NBAS: variants seen among roughly 807,000 people sequenced by gnomAD.
NBAS encodes the protein NAG/BC035112 fusion.
NBAS carries 219 observed loss-of-function variants against 302.5 expected under a neutral mutation model. The ratio of observed to expected loss-of-function variants is 0.72; its 90% CI spans 0.65 to 0.81. NBAS has a LOEUF of 0.81. Among genes scored for constraint, NBAS ranks in the 30% least tolerant of loss-of-function variants. The probability of loss-of-function intolerance (pLI) is 0.00; values close to 1 mark genes in which losing one functional copy is unlikely to be tolerated. For missense variants in NBAS, 2,932 were observed against 2,841.6 expected (o/e 1.03, Z -0.72); for synonymous variants, 1,118 against 1,021.6 (o/e 1.09, Z -1.80).
the NBAS span, among the ~76,000 whole-genome samples, chr2:14,920,290 A>G: frequency 6.6e-6 from 1 of 152,202 alleles, no homozygotes; most frequent in Non-Finnish European, 1.5e-5. Flanking sequence ...GTTGGCTTAA[A>G]AGATTCAGCA....
chr2:15,201,734 T>C (rs1665886451), intron 48 of NBAS, among the ~76,000 whole-genome samples: 1 of 152,108 alleles, frequency 6.6e-6, no homozygotes, highest in Non-Finnish European at 1.5e-5. Flanking sequence ...AAAGTAAGGG[T>C]GCTATTTTCT....
At chr2:15,033,313 G>T in the NBAS span, among the ~76,000 whole-genome samples, 3 of 152,094 alleles carry the variant, frequency 2.0e-5, no homozygotes, top group African/African-American at 7.2e-5. Flanking sequence ...TACTTGTTTT[G>T]TTTCACACAT....
the NBAS span, among the ~76,000 whole-genome samples, chr2:15,025,753 G>T: frequency 6.6e-6 from 1 of 152,072 alleles, no homozygotes; most frequent in Middle Eastern, 3.4e-3. Flanking sequence ...TTTCTGATTT[G>T]GCTCTCGGCT....
the NBAS span, among the ~76,000 whole-genome samples, chr2:14,879,173 C>T: frequency 5.9e-5 from 9 of 152,282 alleles, no homozygotes; most frequent in East Asian, 1.2e-3. Context: ...ATTCCATTGG[C>T]TGGATATACC....
At chr2:15,147,546 C>G in the NBAS span, among the ~76,000 whole-genome samples, 1 of 151,952 alleles carries the variant, frequency 6.6e-6, no homozygotes, top group Non-Finnish European at 1.5e-5. Context: ...GAGCCAAGAT[C>G]GCACCATTGC....
the NBAS span, among the ~76,000 whole-genome samples, chr2:15,041,071 A>G: frequency 6.6e-6 from 1 of 152,152 alleles, no homozygotes; most frequent in Admixed American, 6.5e-5. Context: ...CAATCCTTCA[A>G]TAGGAGCTCC....
chr2:14,780,750 T>C, the NBAS span, among the ~76,000 whole-genome samples: 1 of 152,204 alleles, frequency 6.6e-6, no homozygotes, highest in Admixed American at 6.5e-5. Context: ...GGGCAGTACA[T>C]AATTGGTACT....
At chr2:14,931,298 G>C in the NBAS span, among the ~76,000 whole-genome samples, 1 of 152,184 alleles carries the variant, frequency 6.6e-6, no homozygotes, top group Non-Finnish European at 1.5e-5. Flanking sequence ...CAGTTTTGCA[G>C]GTTTTTTGTT....
At chr2:15,140,164 T>C in the NBAS span, among the ~76,000 whole-genome samples, 34 of 152,290 alleles carry the variant, frequency 2.2e-4, no homozygotes, top group Non-Finnish European at 3.7e-4. Flanking sequence ...TGACCAATAG[T>C]CCTCACTGAG....
chr2:15,216,510 A>G, intron 48 of NBAS, among the ~76,000 whole-genome samples: 1 of 152,232 alleles, frequency 6.6e-6, no homozygotes, highest in East Asian at 1.9e-4. Flanking sequence ...AGTGCTTGAG[A>G]AAAAAATCTT....
At chr2:15,225,349 G>C (rs564190777) in intron 47 of NBAS, among the ~76,000 whole-genome samples, 21 of 152,270 alleles carry the variant, frequency 1.4e-4, no homozygotes, top group African/African-American at 5.1e-4. Flanking sequence ...CACCATCCTG[G>C]ATTGTGACGA....
chr2:15,455,571 T>G (rs948604654), intron 21 of NBAS, among the ~76,000 whole-genome samples: 1 of 152,066 alleles, frequency 6.6e-6, no homozygotes, highest in Non-Finnish European at 1.5e-5. Context: ...TGGGATTCTG[T>G]ATTAATAATA....
In NBAS at chr2:15,404,272, C is replaced by T. The variant is rs183399580; in HGVS notation, c.2938-1971G>A. Among the ~76,000 whole-genome samples the T allele has an allele frequency of 3.0e-3, 450 of 152,234 alleles. 2 individuals are homozygous for T. Among genetic ancestry groups the T allele is most frequent in the Non-Finnish European group, 3.7e-3 (255 of 68,012 alleles). ...GCTCCAGAGCCTAAACTAAGCAAGA[C>T]AGGCTCTCATAATCCTGCATTCAGG... On this transcript the variant is annotated intron_variant, in intron 25 of 51. Transcript: ENST00000281513.
chr2:15,237,608 T>TTATTTATCTATC (rs1553349166), intron 45 of NBAS, among the ~76,000 whole-genome samples: 1 of 134,160 alleles, frequency 7.5e-6, no homozygotes, highest in Admixed American at 7.5e-5. Context: ...ATTTATTTAT[T>TTATTTATCTATC]TATCTGAGAC....
intron 48 of NBAS, among the ~76,000 whole-genome samples, chr2:15,191,209 G>C (rs1179204574): frequency 6.6e-6 from 1 of 152,158 alleles, no homozygotes; most frequent in African/African-American, 2.4e-5. Flanking sequence ...TTTGGGTACA[G>C]ACATTCAGAT....
chr2:15,162,333 C>A (rs375055917), downstream of NBAS, among the ~76,000 whole-genome samples: 81 of 152,270 alleles, frequency 5.3e-4, 1 homozygote, highest in South Asian at 0.011. Flanking sequence ...AGCTTCAGAA[C>A]CCCCCTAGGT....
intron 35 of NBAS, among the ~76,000 whole-genome samples, chr2:15,347,566 G>A (rs965694792): frequency 1.6e-4 from 24 of 152,106 alleles, no homozygotes; most frequent in African/African-American, 2.2e-4. Flanking sequence ...CAGTCCAGTC[G>A]TATAAATCTG....
chr2:15,445,130 T>C (rs1225900991), intron 21 of NBAS, among the ~76,000 whole-genome samples: 1 of 151,608 alleles, frequency 6.6e-6, no homozygotes, highest in Non-Finnish European at 1.5e-5. Flanking sequence ...AGAAATACCA[T>C]TTGACCCAGC....
At chr2:15,259,600 A>C (rs534947065) in intron 44 of NBAS, among the ~76,000 whole-genome samples, 2 of 152,328 alleles carry the variant, frequency 1.3e-5, no homozygotes, top group Admixed American at 6.5e-5. Context: ...ACCTGGGATC[A>C]GTCTCTTTGC....
Sources: gnomAD v4.1 joint callset for allele counts (sites outside exome capture counted in the v4.1 genomes callset) on GRCh38, gnomAD v4.1.1 for gene constraint, MANE v1.5 for transcripts, NCBI Gene and HGNC (gene_info 2026-07-23, HGNC 2026-07-21) for gene names.